The following TMEM87A variants were observed in gnomAD, a reference collection of about 807,000 sequenced individuals.
The protein encoded by TMEM87A is transmembrane protein 87A.
In TMEM87A, 50 loss-of-function variants were observed where a neutral mutation model predicts 90.0. The ratio of observed to expected loss-of-function variants is 0.56; its 90% CI spans 0.44 to 0.70. The LOEUF is 0.70. Ranked by LOEUF, TMEM87A falls within the 30% of genes least tolerant of loss-of-function variation. The pLI is 0.00. For synonymous variants in TMEM87A, 226 were observed against 226.7 expected (o/e 1.00, Z 0.03); for missense variants, 577 against 660.5 (o/e 0.87, Z 1.39).
rs1021037596 is a variant in TMEM87A, at chr15:42,211,474, G to A, written c.*234C>T. The A allele has an allele frequency of 4.5e-6, 2 of 441,306 alleles. No homozygotes were observed. The highest frequency in any genetic ancestry group is 8.1e-6 in the Non-Finnish European group (2 of 246,848). The allele number at this position is 441,306 out of a possible 1,614,324, so 27.3% of individuals were successfully genotyped here. On this transcript the variant is annotated 3_prime_UTR_variant, in exon 20 of 20. Coordinates refer to ENST00000389834, the MANE Select transcript of TMEM87A (RefSeq NM_015497.5). ...CCATGTCAGAGTCTGGGAGGAAAGG[G>A]GGCAGCAGTGTTGTAAATAAGAAGC...
At chr15:42,220,370 C>T (rs563547899) in intron 15 of TMEM87A, among the ~76,000 whole-genome samples, 28 of 152,296 alleles carry the variant, frequency 1.8e-4, no homozygotes, top group African/African-American at 6.7e-4. Context: ...CCTGTGACAT[C>T]AGACTAGTTA....
intron 15 of TMEM87A, 35 bp from the exon 16 acceptor site, chr15:42,220,170 AGAAAACTTC>A (rs1566922104): frequency 6.5e-7 from 1 of 1,543,058 alleles, no homozygotes; most frequent in East Asian, 2.3e-5. Context: ...GGAAAAAATT[AGAAAACTTC>A]AAAAACTGCT....
Position 42,260,904 on chromosome 15 carries a change from A to T in TMEM87A, c.504+54T>A, listed in dbSNP as rs1595744991. On this transcript the variant is annotated intron_variant, in intron 6 of 19. Coordinates refer to ENST00000389834, the MANE Select transcript of TMEM87A (RefSeq NM_015497.5). ...GGGAGAACAATTCAGAAATACACAA[A>T]TTTAAGAAAACTAAAATATGTGTTC... is the stretch of plus-strand genomic sequence containing the variant. 3.2e-6 allele frequency: 5 copies of T among 1,565,376 alleles called. No individual in the cohort carries two copies. In the East Asian group the frequency reaches 1.1e-4, roughly 35 times the overall value.
intron 15 of TMEM87A, among the ~76,000 whole-genome samples, chr15:42,224,800 T>C (rs2050559655): frequency 1.3e-5 from 2 of 152,108 alleles, no homozygotes; most frequent in South Asian, 4.1e-4. Context: ...ACAAGAGTAA[T>C]GTAAGATTCC....
At chr15:42,272,223 T>A in intron 1 of TMEM87A, 100 bp from the exon 2 acceptor site, 1 of 800,616 alleles carries the variant, frequency 1.2e-6, no homozygotes, top group Non-Finnish European at 2.0e-6. Flanking sequence ...TTAACTTAAA[T>A]CTTTATGGGA....
chr15:42,229,274 C>T (rs1253087940), intron 12 of TMEM87A, among the ~76,000 whole-genome samples: 1 of 151,836 alleles, frequency 6.6e-6, no homozygotes, highest in African/African-American at 2.4e-5. Context: ...AAAGTGCTGG[C>T]ATTACAGGCA....
rs10681614 is a variant in TMEM87A, at chr15:42,264,699, A to ATATATATATATATATTTTT, written c.292-497_292-496insAAAAATATATATATATATA. On this transcript the variant is annotated intron_variant, in intron 3 of 19. Coordinates refer to ENST00000389834, the MANE Select transcript of TMEM87A (RefSeq NM_015497.5). The stretch of plus-strand genomic sequence containing the variant: ...TATGTGTGTGTATATATATATATAT[A>ATATATATATATATATTTTT]TTTTTTTTTTAACTTTTATTTTAGG... 4.1e-3 allele frequency among the ~76,000 whole-genome samples: 453 copies of ATATATATATATATATTTTT among 109,370 alleles called. 6 individuals are homozygous for ATATATATATATATATTTTT. The highest frequency in any genetic ancestry group is 0.013 in the African/African-American group (426 of 32,460). The allele number at this position is 109,370 out of a possible 152,430, so 71.8% of individuals were successfully genotyped here.
chr15:42,229,160 G>A (rs2050645622), intron 12 of TMEM87A, among the ~76,000 whole-genome samples: 1 of 151,936 alleles, frequency 6.6e-6, no homozygotes, highest in African/African-American at 2.4e-5. Context: ...GTGCCACCAT[G>A]CCTGGCTAAT....
intron 2 of TMEM87A, among the ~76,000 whole-genome samples, chr15:42,269,172 T>A (rs536531998): frequency 6.6e-6 from 1 of 152,236 alleles, no homozygotes; most frequent in Admixed American, 6.5e-5. Flanking sequence ...ATATGACTGA[T>A]TAGCTGGAGG....
intron 6 of TMEM87A, among the ~76,000 whole-genome samples, chr15:42,247,373 C>CT (rs938070658): frequency 6.6e-6 from 1 of 152,142 alleles, no homozygotes; most frequent in African/African-American, 2.4e-5. Context: ...TGCCTATGTC[C>CT]TGAATGGTAT....
At chr15:42,212,702 C>T (rs139130072) in intron 19 of TMEM87A, among the ~76,000 whole-genome samples, 1 of 152,242 alleles carries the variant, frequency 6.6e-6, no homozygotes, top group East Asian at 1.9e-4. Flanking sequence ...CTTTATTTTA[C>T]CCTCATAATG....
intron 6 of TMEM87A, among the ~76,000 whole-genome samples, chr15:42,248,331 T>C (rs943840054): frequency 6.6e-6 from 1 of 152,068 alleles, no homozygotes; most frequent in Non-Finnish European, 1.5e-5. Flanking sequence ...TGAATAGGAG[T>C]AGTGAGAGAG....
chr15:42,266,665 C>T (rs1024203404), intron 3 of TMEM87A, among the ~76,000 whole-genome samples: 3 of 152,120 alleles, frequency 2.0e-5, no homozygotes, highest in Admixed American at 2.0e-4. Context: ...TCTTCATAGT[C>T]ACAAACTGGC....
chr15:42,242,684 T>G (rs1435566572), intron 7 of TMEM87A, among the ~76,000 whole-genome samples: 1 of 152,186 alleles, frequency 6.6e-6, no homozygotes, highest in Non-Finnish European at 1.5e-5. Context: ...ATTTAATGTA[T>G]GACATTAACT....
chr15:42,251,952 T>C (rs2051094925), intron 6 of TMEM87A, among the ~76,000 whole-genome samples: 1 of 152,150 alleles, frequency 6.6e-6, no homozygotes, highest in East Asian at 1.9e-4. Context: ...GCCTCAGCAA[T>C]GGCGATGCCC....
At chr15:42,232,937 GA>G (rs983893678) in intron 11 of TMEM87A, 45 of 208,532 alleles carry the variant, frequency 2.2e-4, no homozygotes, top group East Asian at 6.5e-4. Flanking sequence ...ATTAGAAAAA[GA>G]AAAAAAAATG....
chr15:42,255,936 A>ATTTT (rs10632070), intron 6 of TMEM87A, among the ~76,000 whole-genome samples: 28 of 140,586 alleles, frequency 2.0e-4, no homozygotes, highest in African/African-American at 6.4e-4. Flanking sequence ...CACCCAGCTA[A>ATTTT]TTTTTTTTTT....
Position 42,236,420 on chromosome 15 carries a change from C to A in TMEM87A, c.869-1G>T. ...TCTGCAAGGATCAAAGCACCCTGGACTATGAAAAAGAAGGGAAGAAATGGC... is the reference window on the plus strand; with the variant it reads ...TCTGCAAGGATCAAAGCACCCTGGAATATGAAAAAGAAGGGAAGAAATGGC... On this transcript the variant is annotated splice_acceptor_variant, in intron 9 of 19. Coordinates refer to ENST00000389834, the MANE Select transcript of TMEM87A (RefSeq NM_015497.5). LOFTEE classifies it high-confidence loss of function. 6.2e-7 allele frequency: 1 copy of A among 1,613,850 alleles called. No individual in the cohort carries two copies. Among genetic ancestry groups the A allele is most frequent in the Non-Finnish European group, 8.5e-7 (1 of 1,179,792 alleles).
At chr15:42,266,644 A>G (rs939809046) in intron 3 of TMEM87A, among the ~76,000 whole-genome samples, 1 of 152,220 alleles carries the variant, frequency 6.6e-6, no homozygotes, top group Non-Finnish European at 1.5e-5. Context: ...TAATTCTACT[A>G]GCAGTCATAT....
Sources: gnomAD v4.1 joint callset for allele counts (sites outside exome capture counted in the v4.1 genomes callset) on GRCh38, gnomAD v4.1.1 for gene constraint, MANE v1.5 for transcripts, NCBI Gene and HGNC (gene_info 2026-07-23, HGNC 2026-07-21) for gene names.